PSD: variants seen among roughly 807,000 people sequenced by gnomAD.
PSD encodes pleckstrin and Sec7 domain containing.
Under a neutral mutation model 91.6 loss-of-function variants are expected in PSD, and 32 were observed. That is an observed-to-expected ratio of 0.35 (90% confidence interval 0.26 to 0.47). PSD has a LOEUF of 0.47. Among genes scored for constraint, PSD ranks in the 20% least tolerant of loss-of-function variants. The probability of loss-of-function intolerance (pLI) is 1.00; values close to 1 mark genes in which losing one functional copy is unlikely to be tolerated. For missense variants in PSD, 1,099 were observed against 1,373.9 expected (o/e 0.80, Z 3.16); for synonymous variants, 532 against 569.3 (o/e 0.93, Z 0.93).
In PSD at chr10:102,413,839, G is replaced by T. The variant is rs770161929; in HGVS notation, c.1483C>A (p.Pro495Thr). The T allele has an allele frequency of 1.2e-6, 2 of 1,613,870 alleles. No individual in the cohort carries two copies. Among genetic ancestry groups the T allele is most frequent in the Non-Finnish European group, 8.5e-7 (1 of 1,179,930 alleles). The stretch of plus-strand genomic sequence containing the variant: ...CAGGGACTAGGGGGCTCCCTCCCTG[G>T]GGCCAGCTTGGCTCTGGCCTCTGCC... ...EEAEARAKLA[P>T]GREPPSPCHS... Residue 495 changes from proline to threonine, a missense_variant, in exon 5 of 17, where the codon CCA (proline) becomes ACA (threonine). Pro to Thr is a conservative substitution (Grantham distance 38). Around this residue, in one of 3 missense-constraint regions of PSD, gnomAD observed 631 missense variants for 728.8 expected, o/e 0.87. Transcript: ENST00000020673.
In PSD at chr10:102,405,757, C is replaced by A. The variant is rs186329519; in HGVS notation, c.2136-221G>T. The A allele has an allele frequency of 1.8e-6, 1 of 561,560 alleles. No individual in the cohort carries two copies. The highest frequency in any genetic ancestry group is 3.2e-6 in the Non-Finnish European group (1 of 314,058). The allele number at this position is 561,560 out of a possible 1,614,324, so 34.8% of individuals were successfully genotyped here. ...CCCTCAGAGCTCCCCAGCCTAGAGC[C>A]ACCACTGTCCCTTCCTCCCAGCAAG... On this transcript the variant is annotated intron_variant, in intron 11 of 16. Coordinates refer to ENST00000020673, the MANE Select transcript of PSD (RefSeq NM_002779.5). The surrounding 1 kb of genome is among the most constrained non-coding windows in gnomAD (Gnocchi z 5.4).
intron 1 of PSD, among the ~76,000 whole-genome samples, chr10:102,418,414 T>TACAGATGTACACAC (rs973491052): frequency 6.6e-6 from 1 of 151,940 alleles, no homozygotes; most frequent in Non-Finnish European, 1.5e-5. Context: ...GATGTACACA[T>TACAGATGTACACAC]ACAGATGTAC....
At chr10:102,411,440 C>G (rs2061423978) in intron 8 of PSD, among the ~76,000 whole-genome samples, 1 of 152,228 alleles carries the variant, frequency 6.6e-6, no homozygotes, top group African/African-American at 2.4e-5. Context: ...AATCCCCTCT[C>G]CAGCCAAGCA....
rs202002508 is a variant in PSD, at chr10:102,404,597, T to A, written c.2686A>T (p.Thr896Ser). Residue 896 changes from threonine to serine, a missense_variant, in exon 15 of 17, where the codon ACC (threonine) becomes TCC (serine). Transcript: ENST00000020673. The surrounding 1 kb of genome is among the most constrained non-coding windows in gnomAD (Gnocchi z 5.7). ...FSRPLLPSAA[T>S]RLSQEEQVRT... ...GCTTGGGCTACCTGGGAGAGGCGGGTGGCAGCGCTGGGCAGGAGAGGGCGG... is the reference window on the plus strand; with the variant it reads ...GCTTGGGCTACCTGGGAGAGGCGGGAGGCAGCGCTGGGCAGGAGAGGGCGG... 1 of 1,599,166 alleles carries A rather than the reference T, an allele frequency of 6.3e-7. No homozygotes were observed. The highest frequency in any genetic ancestry group is 1.3e-5 in the African/African-American group (1 of 74,510).
intron 8 of PSD, among the ~76,000 whole-genome samples, chr10:102,411,348 C>T (rs573661882): frequency 1.3e-5 from 2 of 152,058 alleles, no homozygotes; most frequent in South Asian, 4.1e-4. Flanking sequence ...GTACTAGTTG[C>T]CCCAACGTTC....
Position 102,413,911 on chromosome 10 carries a change from T to A in PSD, c.1411A>T (p.Ser471Cys). ...LAPLEPDSGTSSAADGPWTQR... is the reference protein window; with the variant it reads ...LAPLEPDSGTCSAADGPWTQR... ...GTCCAAGGACCATCAGCAGCAGAGC[T>A]GGTACCAGAATCCGGTTCAAGAGGG... Residue 471 changes from serine to cysteine, a missense_variant, in exon 5 of 17, where the codon AGC (serine) becomes TGC (cysteine). Transcript: ENST00000020673. The A allele has an allele frequency of 6.2e-7, 1 of 1,613,042 alleles. No individual in the cohort carries two copies. Among genetic ancestry groups the A allele is most frequent in the Non-Finnish European group, 8.5e-7 (1 of 1,179,714 alleles).
intron 1 of PSD, among the ~76,000 whole-genome samples, chr10:102,417,710 T>C (rs1328870733): frequency 4.1e-5 from 6 of 145,544 alleles, no homozygotes; most frequent in Non-Finnish European, 9.1e-5. Context: ...CATTCTTCTT[T>C]TTTTTTTTTT....
In PSD at chr10:102,404,053, A is replaced by G; in HGVS notation, c.2701-68T>C. On this transcript the variant is annotated intron_variant, in intron 15 of 16. Transcript: ENST00000020673. The surrounding 1 kb of genome is among the most constrained non-coding windows in gnomAD (Gnocchi z 5.7). ...TACAGTGCCTCTGCAGATTTTTAAA[A>G]AGATACCCCTTCCAGCCGGGCGCGG... 1 of 1,461,420 alleles carries G rather than the reference A, an allele frequency of 6.8e-7. No homozygotes were observed. Among genetic ancestry groups the G allele is most frequent in the South Asian group, 1.3e-5 (1 of 75,232 alleles). 90.5% of individuals were successfully genotyped at this position (1,461,420 alleles called of 1,614,324 possible). A position where few individuals can be genotyped will look rare whatever the true frequency, so the allele number is the denominator to read the frequency against.
intron 1 of PSD, 102 bp downstream of exon 1, chr10:102,418,599 A>G: frequency 2.4e-6 from 1 of 412,818 alleles, no homozygotes; most frequent in South Asian, 1.7e-5. Flanking sequence ...GGGGAGGGGC[A>G]GAGGTCAGGA....
At chr10:102,413,145 T>G (rs2061440748) in intron 5 of PSD, among the ~76,000 whole-genome samples, 1 of 152,104 alleles carries the variant, frequency 6.6e-6, no homozygotes, top group African/African-American at 2.4e-5. Context: ...TTTCCTCCCC[T>G]TCCCACCCCA....
Position 102,414,839 on chromosome 10 carries a change from T to TC in PSD, c.1124+23dup. 1 of 1,485,996 alleles carries TC rather than the reference T, an allele frequency of 6.7e-7. No individual in the cohort carries two copies. Among genetic ancestry groups the TC allele is most frequent in the Non-Finnish European group, 8.9e-7 (1 of 1,122,754 alleles). The allele number at this position is 1,485,996 out of a possible 1,614,324, so 92.1% of individuals were successfully genotyped here. A position where few individuals can be genotyped will look rare whatever the true frequency, so the allele number is the denominator to read the frequency against. ...GAGCAAGCCGCTTCCCTCTCCCACT[T>TC]CCCCCTCCCACTTCCCCACTCACCG... is the stretch of plus-strand genomic sequence containing the variant. On this transcript the variant is annotated intron_variant, in intron 4 of 16. Coordinates refer to ENST00000020673, the MANE Select transcript of PSD (RefSeq NM_002779.5). This position sits in a 1 kb window ranked among gnomAD's most constrained non-coding sequence, Gnocchi z 5.6.
At position 102,403,187 on chromosome 10, in the gene PSD, C is replaced by T; in HGVS notation, c.*13G>A. On this transcript the variant is annotated 3_prime_UTR_variant, in exon 17 of 17. Transcript: ENST00000020673. The surrounding 1 kb of genome is among the most constrained non-coding windows in gnomAD (Gnocchi z 6.7). The stretch of plus-strand genomic sequence containing the variant: ...CAGGTGCCCAGCAGGCACTCCCCAC[C>T]CTAAACCTCATCTCAGGGCTTCCGC... 6.5e-7 allele frequency: 1 copy of T among 1,531,952 alleles called. No individual in the cohort carries two copies. The highest frequency in any genetic ancestry group is 8.8e-7 in the Non-Finnish European group (1 of 1,135,620). 94.9% of individuals were successfully genotyped at this position (1,531,952 alleles called of 1,614,324 possible).
chr10:102,413,618 CA>C (rs1765474909), intron 5 of PSD, 150 bp downstream of exon 5: 1 of 756,132 alleles, frequency 1.3e-6, no homozygotes, highest in Non-Finnish European at 2.1e-6. Flanking sequence ...AGTAGTCCTC[CA>C]AATAGGAAAA....
At chr10:102,407,202 C>G in intron 11 of PSD, 21 bp downstream of exon 11, 1 of 1,599,332 alleles carries the variant, frequency 6.3e-7, no homozygotes, top group Non-Finnish European at 8.5e-7. Context: ...CCTAGCCCCA[C>G]CACGCAGCCC....
At position 102,412,171 on chromosome 10, in the gene PSD, C is replaced by G. The variant is rs2061431710; in HGVS notation, c.1805G>C (p.Gly602Ala). 1.9e-6 allele frequency: 3 copies of G among 1,614,142 alleles called. No homozygotes were observed. The highest frequency in any genetic ancestry group is 2.5e-6 in the Non-Finnish European group (3 of 1,180,008). ...GEYLKFFVFT[G>A]MTLDQALRVF... ...CCTGAGAGCTTGGTCCAGAGTCATG[C>G]CCGTGAAGACAAAGAACTTGAGGTA... The change falls in exon 7 of 17, where the codon GGC (glycine) becomes GCC (alanine). Residue 602 changes from glycine (G) to alanine (A), a missense_variant. Transcript: ENST00000020673.
At position 102,414,982 on chromosome 10, in the gene PSD, G is replaced by C; in HGVS notation, c.1005C>G (p.Pro335=). Residue 335 remains proline, a synonymous_variant, in exon 4 of 17, where the codon CCC becomes CCG. Coordinates refer to ENST00000020673, the MANE Select transcript of PSD (RefSeq NM_002779.5). This position sits in a 1 kb window ranked among gnomAD's most constrained non-coding sequence, Gnocchi z 5.6. ...TGGGATGAGGGCCAGGGAGTGGGCC[G>C]GGCCGTGGGGCAGGTGGGTAGGCAG... ...PGTAYPPAPR[P]GPLPGPHPSL... is the part of the protein sequence containing the mutation. The C allele has an allele frequency of 6.3e-7, 1 of 1,596,736 alleles. No individual in the cohort carries two copies. The highest frequency in any genetic ancestry group is 8.6e-7 in the Non-Finnish European group (1 of 1,168,232).
chr10:102,403,851 C>A lies in PSD; in HGVS notation c.2835G>T (p.Leu945=), dbSNP rs1312448655. The change falls in exon 16 of 17, where the codon CTG becomes CTT. Residue 945 remains leucine, a synonymous_variant. Coordinates refer to ENST00000020673, the MANE Select transcript of PSD (RefSeq NM_002779.5). This position sits in a 1 kb window ranked among gnomAD's most constrained non-coding sequence, Gnocchi z 6.7. ...AEEQRQKEAY[L]EFEKSRYSTY... ...AGACAGGGAGGCTCACCTCAAACTC[C>A]AGGTAGGCCTCCTTCTGCCGCTGCT... 1.2e-6 allele frequency: 2 copies of A among 1,611,812 alleles called. No individual in the cohort carries two copies. The highest frequency in any genetic ancestry group is 1.7e-6 in the Non-Finnish European group (2 of 1,178,954).
At chr10:102,407,168 G>T in intron 11 of PSD, 55 bp downstream of exon 11, 6 of 1,486,150 alleles carry the variant, frequency 4.0e-6, no homozygotes, top group Non-Finnish European at 4.6e-6. Flanking sequence ...AGCCTCCCCA[G>T]GCAGCCCCTT....
rs201836632 is a variant in PSD at position 102,403,968 on chromosome 10, G to T, written c.2718C>A (p.Thr906=). The T allele has an allele frequency of 4.6e-5, 72 of 1,563,026 alleles. No homozygotes were observed. The East Asian group carries it at 1.4e-3, about 31-fold the overall frequency. The change falls in exon 16 of 17, where the codon ACC becomes ACA. Residue 906 remains threonine, a synonymous_variant. Coordinates refer to ENST00000020673, the MANE Select transcript of PSD (RefSeq NM_002779.5). This position sits in a 1 kb window ranked among gnomAD's most constrained non-coding sequence, Gnocchi z 6.7. ...TRLSQEEQVR[T]HEAKLKAMAS... ...CCATGGCCTTCAGCTTGGCCTCGTG[G>T]GTCCGCACCTGCTCCTCCTAGCGGC... is the stretch of plus-strand genomic sequence containing the variant.
Sources: allele counts gnomAD v4.1 joint callset (sites outside exome capture counted in the v4.1 genomes callset), GRCh38; gene constraint gnomAD v4.1.1; regional missense constraint gnomAD v4.1.1; non-coding constraint Gnocchi (gnomAD v3.1); transcripts MANE v1.5; gene names NCBI Gene and HGNC (gene_info 2026-07-23, HGNC 2026-07-21).